The following STMN2 variants were observed in gnomAD, a reference collection of about 807,000 sequenced individuals.
The protein encoded by STMN2 is stathmin-2.
Under a neutral mutation model 24.1 loss-of-function variants are expected in STMN2, and 2 were observed. The ratio of observed to expected loss-of-function variants is 0.08; its 90% CI spans 0.03 to 0.26. The LOEUF is 0.26. STMN2 is among the 10% of genes least tolerant of loss of function. STMN2 has a pLI of 1.00. For synonymous variants in STMN2, 83 were observed against 77.5 expected (o/e 1.07, Z -0.37); for missense variants, 114 against 213.6 (o/e 0.53, Z 2.91).
At chr8:79,657,396 C>G (rs1806400136) in intron 4 of STMN2, among the ~76,000 whole-genome samples, 1 of 152,166 alleles carries the variant, frequency 6.6e-6, no homozygotes. Context: ...ATCTGCACAC[C>G]ACTTTTCCTG....
At chr8:79,653,775 T>C (rs948998212) in intron 3 of STMN2, among the ~76,000 whole-genome samples, 3 of 152,196 alleles carry the variant, frequency 2.0e-5, no homozygotes, top group South Asian at 4.1e-4. Context: ...CTGTGAAGGA[T>C]TGCCTCGGGG....
intron 3 of STMN2, among the ~76,000 whole-genome samples, chr8:79,648,252 A>G (rs115562866): frequency 3.3e-5 from 5 of 152,328 alleles, no homozygotes; most frequent in African/African-American, 1.2e-4. Flanking sequence ...TAGTAATAGA[A>G]CTTATGGAGT....
At chr8:79,649,955 C>T (rs1810297940) in intron 3 of STMN2, among the ~76,000 whole-genome samples, 1 of 152,164 alleles carries the variant, frequency 6.6e-6, no homozygotes, top group Non-Finnish European at 1.5e-5. Flanking sequence ...ACGTACCTCT[C>T]ATGTAATTAT....
intron 3 of STMN2, among the ~76,000 whole-genome samples, chr8:79,644,878 G>T (rs935622968): frequency 2.0e-5 from 3 of 152,162 alleles, no homozygotes; most frequent in East Asian, 1.9e-4. Context: ...AGCCAGGCCG[G>T]GTGTGGTGGC....
chr8:79,651,400 A>C (rs956433646), intron 3 of STMN2, among the ~76,000 whole-genome samples: 3 of 152,216 alleles, frequency 2.0e-5, no homozygotes, highest in Non-Finnish European at 4.4e-5. Flanking sequence ...CAAATGTTGC[A>C]CTCCAGTAAA....
intron 2 of STMN2, among the ~76,000 whole-genome samples, chr8:79,639,587 T>C (rs2130355219): frequency 6.6e-6 from 1 of 152,360 alleles, no homozygotes; most frequent in Non-Finnish European, 1.5e-5. Flanking sequence ...TATACTATTT[T>C]ATGTTATAAT....
chr8:79,645,265 T>A (rs892456097), intron 3 of STMN2, among the ~76,000 whole-genome samples: 4 of 152,234 alleles, frequency 2.6e-5, no homozygotes, highest in Non-Finnish European at 4.4e-5. Context: ...AGTAAAATAT[T>A]CTTCACCCAA....
intron 3 of STMN2, among the ~76,000 whole-genome samples, chr8:79,648,996 T>TA (rs1209567576): frequency 2.4e-4 from 37 of 152,148 alleles, no homozygotes; most frequent in South Asian, 2.1e-4. Flanking sequence ...ATGCTCTCAT[T>TA]ACTGGCATAA....
intron 2 of STMN2, among the ~76,000 whole-genome samples, chr8:79,640,074 C>T (rs943538913): frequency 2.0e-5 from 3 of 152,110 alleles, no homozygotes; most frequent in African/African-American, 7.2e-5. Context: ...GTGGTAAGCG[C>T]CTGTAGTCCC....
At position 79,643,106 on chromosome 8, in the gene STMN2, A is replaced by G. The variant is rs188617708; in HGVS notation, c.288+1556A>G. On this transcript the variant is annotated intron_variant, in intron 3 of 4. Coordinates refer to ENST00000220876, the MANE Select transcript of STMN2 (RefSeq NM_007029.4). ...ATTATATATTAATATTGGTATATATACACCATGATTATATATTAATATTGG... is the reference window on the plus strand; with the variant it reads ...ATTATATATTAATATTGGTATATATGCACCATGATTATATATTAATATTGG... Among the ~76,000 whole-genome samples the G allele has an allele frequency of 5.1e-3, 750 of 146,426 alleles. 4 individuals carry two copies. Among genetic ancestry groups the G allele is most frequent in the Non-Finnish European group, 7.9e-3 (527 of 66,992 alleles).
At chr8:79,652,101 A>G (rs917464999) in intron 3 of STMN2, among the ~76,000 whole-genome samples, 1 of 152,210 alleles carries the variant, frequency 6.6e-6, no homozygotes, top group Non-Finnish European at 1.5e-5. Flanking sequence ...GTGTATTAAG[A>G]TAGAAAAATG....
At chr8:79,623,808 G>T (rs1322915195) in intron 1 of STMN2, among the ~76,000 whole-genome samples, 1 of 152,074 alleles carries the variant, frequency 6.6e-6, no homozygotes, top group Non-Finnish European at 1.5e-5. Flanking sequence ...CTCTAATGAG[G>T]TTCTGGAATG....
intron 1 of STMN2, among the ~76,000 whole-genome samples, chr8:79,630,538 C>T (rs1028539959): frequency 2.6e-5 from 4 of 152,120 alleles, no homozygotes; most frequent in African/African-American, 4.8e-5. Context: ...CCCACAAATG[C>T]GATAAACATT....
chr8:79,664,964 G>A lies in STMN2; in HGVS notation c.*90G>A. 9.4e-7 allele frequency: 1 copy of A among 1,066,126 alleles called. No individual in the cohort carries two copies. The highest frequency in any genetic ancestry group is 1.3e-6 in the Non-Finnish European group (1 of 785,414). 66.0% of individuals were successfully genotyped at this position (1,066,126 alleles called of 1,614,324 possible). On this transcript the variant is annotated 3_prime_UTR_variant, in exon 5 of 5. Transcript: ENST00000220876. Reference sequence around the variant, plus strand: ...TGCGATATCAGGATGGGGAATGTATGACATGGTTTAAAAAGAACTCATTAT... The same window carrying A: ...TGCGATATCAGGATGGGGAATGTATAACATGGTTTAAAAAGAACTCATTAT...
chr8:79,641,665 CA>C, intron 3 of STMN2, 115 bp downstream of exon 3: 1 of 775,438 alleles, frequency 1.3e-6, no homozygotes, highest in East Asian at 2.9e-5. Flanking sequence ...CACACACACA[CA>C]CACACATACA....
intron 3 of STMN2, among the ~76,000 whole-genome samples, chr8:79,650,854 T>C (rs1810319411): frequency 1.3e-5 from 2 of 152,008 alleles, no homozygotes; most frequent in Non-Finnish European, 2.9e-5. Flanking sequence ...CAAGAGGATC[T>C]CTTGAGCCCA....
intron 3 of STMN2, among the ~76,000 whole-genome samples, chr8:79,651,825 A>C (rs1810338954): frequency 6.6e-6 from 1 of 152,224 alleles, no homozygotes; most frequent in South Asian, 2.1e-4. Flanking sequence ...AGGCTCAGCA[A>C]AGCAGGATGC....
In STMN2 at chr8:79,657,369, T is replaced by C. The variant is rs184669662; in HGVS notation, c.480+2307T>C. Among the ~76,000 whole-genome samples, 364 of 152,274 alleles carry C rather than the reference T, an allele frequency of 2.4e-3. 3 individuals are homozygous for C. Among genetic ancestry groups the C allele is most frequent in the African/African-American group, 8.3e-3 (343 of 41,542 alleles). ...CAACCAAATTTAGTGCCCTCCCCCA[T>C]ACATGCATACATGTACATCTGCACA... On this transcript the variant is annotated intron_variant, in intron 4 of 4. Transcript: ENST00000220876.
At chr8:79,615,024 TTCATA>T (rs1485936423) in intron 1 of STMN2, among the ~76,000 whole-genome samples, 2 of 152,240 alleles carry the variant, frequency 1.3e-5, no homozygotes, top group Non-Finnish European at 2.9e-5. Flanking sequence ...ATAAGGCTGA[TTCATA>T]TAATAAAATA....
Sources: allele counts gnomAD v4.1 joint callset (sites outside exome capture counted in the v4.1 genomes callset), GRCh38; gene constraint gnomAD v4.1.1; transcripts MANE v1.5; gene names NCBI Gene and HGNC (gene_info 2026-07-23, HGNC 2026-07-21).